The following PARVB variants were observed in gnomAD, a reference collection of about 807,000 sequenced individuals.
PARVB encodes beta-parvin.
A neutral mutation model predicts 47.0 loss-of-function variants in PARVB; 46 were observed. The ratio of observed to expected loss-of-function variants is 0.98; its 90% CI spans 0.77 to 1.25. PARVB has a LOEUF of 1.25. Among genes scored for constraint, PARVB ranks in the 50% most tolerant of loss-of-function variants. The probability of loss-of-function intolerance (pLI) is 0.00; values close to 1 mark genes in which losing one functional copy is unlikely to be tolerated. For missense variants in PARVB, 473 were observed against 471.6 expected, an observed-to-expected ratio of 1.00 and a Z score of -0.03; for synonymous variants, 196 against 196.3, an observed-to-expected ratio of 1.00 and a Z score of 0.01.
At position 44,068,361 on chromosome 22, in the gene PARVB, G is replaced by A. The variant is rs1488086457; in HGVS notation, c.113-25567G>A. Among the ~76,000 whole-genome samples, 1 of 152,184 alleles carries A rather than the reference G, an allele frequency of 6.6e-6. No individual in the cohort carries two copies. Among genetic ancestry groups the A allele is most frequent in the East Asian group, 1.9e-4 (1 of 5,188 alleles). On this transcript the variant is annotated intron_variant, in intron 1 of 12. Coordinates refer to ENST00000338758, the MANE Select transcript of PARVB (RefSeq NM_013327.5). This position sits in a 1 kb window ranked among gnomAD's most constrained non-coding sequence, Gnocchi z 4.1. ...TGTGTCACCTGGTAGGGAGGGGCTG[G>A]GCCTGGTGTTATAAACCAGGAGAGG... is the stretch of plus-strand genomic sequence containing the variant.
chr22:44,142,445 G>A (rs2053573574), intron 8 of PARVB: 2 of 136,804 alleles, frequency 1.5e-5, no homozygotes, highest in Non-Finnish European at 1.6e-5. Flanking sequence ...GCATTTTTGA[G>A]TCTTTTTGTT....
At chr22:44,024,475 G>A in intron 1 of PARVB, 24 bp downstream of exon 1, 2 of 1,114,942 alleles carry the variant, frequency 1.8e-6, no homozygotes, top group Non-Finnish European at 2.2e-6. Context: ...CGCGCCCGCC[G>A]ACCCCCGGGG....
intron 11 of PARVB, among the ~76,000 whole-genome samples, chr22:44,162,125 G>A (rs2054067018): frequency 1.3e-5 from 2 of 152,232 alleles, no homozygotes. Context: ...GCTTCTCCGA[G>A]CACAGGCCGT....
At chr22:44,095,138 A>G (rs62226431) in intron 2 of PARVB, among the ~76,000 whole-genome samples, 1,978 of 150,468 alleles carry the variant, frequency 0.013, 26 homozygotes, top group Middle Eastern at 0.046. Context: ...GTGGTTTACC[A>G]TCTCTAGGAA....
chr22:44,059,876 C>A (rs761383026), intron 1 of PARVB, among the ~76,000 whole-genome samples: 2 of 152,276 alleles, frequency 1.3e-5, no homozygotes, highest in East Asian at 1.9e-4. Flanking sequence ...TGCTCAGCAT[C>A]ATGGAAGGGG....
At chr22:44,012,925 C>T (rs962977306) in intron 2 of PARVB, among the ~76,000 whole-genome samples, 3 of 150,960 alleles carry the variant, frequency 2.0e-5, no homozygotes. Context: ...TTGAGACAGT[C>T]TCGCTCTGTC....
At chr22:44,128,068 C>T (rs34333219) in intron 4 of PARVB, among the ~76,000 whole-genome samples, 1 of 152,044 alleles carries the variant, frequency 6.6e-6, no homozygotes. Flanking sequence ...CAGGGATGAG[C>T]CACTACACCC....
At chr22:44,010,774 GT>G (rs767743348) in intron 2 of PARVB, among the ~76,000 whole-genome samples, 153 of 151,610 alleles carry the variant, frequency 1.0e-3, no homozygotes, top group Non-Finnish European at 9.0e-4. Flanking sequence ...ATGAGTTTAC[GT>G]TTTAAATGTT....
At chr22:44,064,883 C>T (rs942108116) in intron 1 of PARVB, among the ~76,000 whole-genome samples, 7 of 152,116 alleles carry the variant, frequency 4.6e-5, no homozygotes, top group Admixed American at 1.3e-4. Flanking sequence ...AACATTAATC[C>T]GGATAGTTCT....
intron 10 of PARVB, among the ~76,000 whole-genome samples, chr22:44,157,255 CTG>C (rs1219133336): frequency 6.6e-6 from 1 of 152,180 alleles, no homozygotes; most frequent in African/African-American, 2.4e-5. Context: ...CTTCCAGCAG[CTG>C]ATGCTGATGG....
intron 4 of PARVB, among the ~76,000 whole-genome samples, chr22:44,120,834 C>G (rs548934386): frequency 6.8e-6 from 1 of 147,966 alleles, no homozygotes. Context: ...TACCACCACA[C>G]TTGGCTGTTT....
At chr22:44,048,647 C>T (rs547187805) in intron 1 of PARVB, among the ~76,000 whole-genome samples, 28 of 152,290 alleles carry the variant, frequency 1.8e-4, no homozygotes, top group Non-Finnish European at 3.2e-4. Context: ...CTGTAACCTC[C>T]GCCTCCAGGC....
chr22:44,070,566 A>G (rs1174103073), intron 1 of PARVB, among the ~76,000 whole-genome samples: 1 of 152,108 alleles, frequency 6.6e-6, no homozygotes, highest in Non-Finnish European at 1.5e-5. Flanking sequence ...CATCTTTTTC[A>G]CAGGCTTTTT....
intron 1 of PARVB, among the ~76,000 whole-genome samples, chr22:44,081,450 C>T (rs1424122753): frequency 6.6e-6 from 1 of 152,178 alleles, no homozygotes; most frequent in Admixed American, 6.5e-5. Flanking sequence ...CTTTTTCTAA[C>T]GACTTAATGA....
At chr22:44,002,507 A>AG (rs1352439523) in intron 2 of PARVB, among the ~76,000 whole-genome samples, 1 of 152,044 alleles carries the variant, frequency 6.6e-6, no homozygotes, top group African/African-American at 2.4e-5. Flanking sequence ...AAGTGGCAGG[A>AG]GGGGGCAGTG....
chr22:44,075,503 A>T (rs1416545301), intron 1 of PARVB, among the ~76,000 whole-genome samples: 1 of 152,074 alleles, frequency 6.6e-6, no homozygotes, highest in Non-Finnish European at 1.5e-5. Flanking sequence ...CACAGTTTCC[A>T]TGAGGGGCCC....
chr22:44,004,394 G>T (rs1469003499), intron 2 of PARVB, among the ~76,000 whole-genome samples: 1 of 152,042 alleles, frequency 6.6e-6, no homozygotes, highest in East Asian at 1.9e-4. Context: ...GCTGCAAAGT[G>T]TGACCCCCCC....
chr22:44,062,405 A>G (rs563031229), intron 1 of PARVB, among the ~76,000 whole-genome samples: 1 of 152,312 alleles, frequency 6.6e-6, no homozygotes, highest in South Asian at 2.1e-4. Context: ...TGGGAGGCCA[A>G]GGCAGGTGGA....
chr22:44,152,521 C>G (rs111234494), intron 10 of PARVB: 1 of 152,226 alleles, frequency 6.6e-6, no homozygotes, highest in Non-Finnish European at 1.5e-5. Flanking sequence ...CCTTTGCACA[C>G]GCAGTTCCTC....
Sources: gnomAD v4.1 joint callset for allele counts (sites outside exome capture counted in the v4.1 genomes callset) on GRCh38, gnomAD v4.1.1 for gene constraint, Gnocchi (gnomAD v3.1) non-coding constraint, MANE v1.5 for transcripts, NCBI Gene and HGNC (gene_info 2026-07-23, HGNC 2026-07-21) for gene names.